The following WDR72 variants were observed in gnomAD, a reference collection of about 807,000 sequenced individuals.
WDR72 encodes WD repeat-containing protein 72.
A neutral mutation model predicts 124.2 loss-of-function variants in WDR72; 120 were observed. That is an observed-to-expected ratio of 0.97 (90% CI 0.83 to 1.12). The LOEUF (loss-of-function observed/expected upper bound fraction) is 1.12. Ranked by LOEUF, WDR72 falls within the 50% of genes most tolerant of loss-of-function variation. The probability of loss-of-function intolerance (pLI) is 0.00; values close to 1 mark genes in which losing one functional copy is unlikely to be tolerated. For synonymous variants in WDR72, 452 were observed against 441.7 expected (o/e 1.02, Z -0.29); for missense variants, 1,387 against 1,278.8 (o/e 1.08, Z -1.29).
chr15:53,683,596 T>C (rs1216092523), intron 13 of WDR72, among the ~76,000 whole-genome samples: 2 of 152,132 alleles, frequency 1.3e-5, no homozygotes, highest in African/African-American at 2.4e-5. Flanking sequence ...CTCTCTTTCT[T>C]ACATTATGTA....
chr15:53,685,708 G>T (rs993081451), intron 13 of WDR72, among the ~76,000 whole-genome samples: 1 of 151,354 alleles, frequency 6.6e-6, no homozygotes, highest in African/African-American at 2.4e-5. Context: ...GAAATACAGA[G>T]AACACCGCAA....
chr15:53,684,980 A>G (rs2016562304), intron 13 of WDR72, among the ~76,000 whole-genome samples: 1 of 152,176 alleles, frequency 6.6e-6, no homozygotes, highest in African/African-American at 2.4e-5. Flanking sequence ...AGGTATTCCA[A>G]CAGACCTGCA....
At chr15:53,591,037 A>G (rs8037868) in intron 18 of WDR72, among the ~76,000 whole-genome samples, 30,538 of 151,814 alleles carry the variant, frequency 0.2, 4,678 homozygotes, top group African/African-American at 0.43. Flanking sequence ...AAGGGCATAA[A>G]TGGCTTCAGT....
chr15:53,677,855 T>C (rs2016230021), intron 13 of WDR72, among the ~76,000 whole-genome samples: 1 of 152,206 alleles, frequency 6.6e-6, no homozygotes, highest in African/African-American at 2.4e-5. Context: ...TGCCATTATC[T>C]ACCACTAATT....
intron 14 of WDR72, among the ~76,000 whole-genome samples, chr15:53,648,550 T>G (rs2015122556): frequency 6.6e-6 from 1 of 152,130 alleles, no homozygotes; most frequent in African/African-American, 2.4e-5. Context: ...CAGAACTGGC[T>G]CACCATTAAG....
intron 12 of WDR72, among the ~76,000 whole-genome samples, chr15:53,701,091 T>C (rs2017159864): frequency 6.6e-6 from 1 of 152,188 alleles, no homozygotes; most frequent in South Asian, 2.1e-4. Context: ...TCATGTTTTT[T>C]TTAAGTCAAC....
chr15:53,655,511 C>G lies in WDR72; in HGVS notation c.1962+10061G>C, dbSNP rs540584871. On this transcript the variant is annotated intron_variant, in intron 14 of 19. Coordinates refer to ENST00000360509, the MANE Select transcript of WDR72 (RefSeq NM_182758.4). ...CCCATACTATTCTTTCCATATTTTG[C>G]CATCTGATTACATGATGAATGTCAT... Among the ~76,000 whole-genome samples, 42 of 152,140 alleles carry G rather than the reference C, an allele frequency of 2.8e-4. No individual in the cohort carries two copies. The South Asian group carries it at 8.7e-3, about 32-fold the overall frequency.
chr15:53,726,418 C>T (rs1567051345), intron 2 of WDR72, among the ~76,000 whole-genome samples: 1 of 151,372 alleles, frequency 6.6e-6, no homozygotes, highest in Non-Finnish European at 1.5e-5. Flanking sequence ...TTGCTTTAAA[C>T]CTAAAACTGC....
chr15:53,745,131 G>A (rs1434033934), intron 1 of WDR72, among the ~76,000 whole-genome samples: 6 of 151,288 alleles, frequency 4.0e-5, no homozygotes, highest in Non-Finnish European at 8.8e-5. Flanking sequence ...TATTCTTTGA[G>A]CCTCAGTTTT....
rs184176653 is a variant in WDR72, at chr15:53,745,074, T to A, written c.-12-11913A>T. On this transcript the variant is annotated intron_variant, in intron 1 of 19. Coordinates refer to ENST00000360509, the MANE Select transcript of WDR72 (RefSeq NM_182758.4). ...GGCAAGAAAATATTAATAGAATGAG[T>A]CAGATAAAGTTTTGCCTTCCTTTCC... 7.6e-3 allele frequency among the ~76,000 whole-genome samples: 1,137 copies of A among 150,328 alleles called. 7 individuals carry two copies. The highest frequency in any genetic ancestry group is 0.013 in the Non-Finnish European group (873 of 67,684).
intron 18 of WDR72, among the ~76,000 whole-genome samples, chr15:53,533,663 A>G (rs1173286840): frequency 6.6e-6 from 1 of 152,018 alleles, no homozygotes; most frequent in Non-Finnish European, 1.5e-5. Flanking sequence ...TATCCTTCCA[A>G]TCTCAGCCTC....
intron 14 of WDR72, among the ~76,000 whole-genome samples, chr15:53,644,659 A>C (rs1447563167): frequency 6.6e-6 from 1 of 152,092 alleles, no homozygotes; most frequent in Non-Finnish European, 1.5e-5. Flanking sequence ...GCAAGGTGTA[A>C]ATGAAAGTGC....
intron 13 of WDR72, among the ~76,000 whole-genome samples, chr15:53,666,250 A>G (rs2015776784): frequency 6.6e-6 from 1 of 152,100 alleles, no homozygotes; most frequent in South Asian, 2.1e-4. Context: ...TGCCTCCCTC[A>G]CCGAAGTGTC....
intron 17 of WDR72, among the ~76,000 whole-genome samples, chr15:53,608,785 T>TAAATAAATAAATAAATAAAAATAAAA (rs61501258): frequency 6.7e-6 from 1 of 149,802 alleles, no homozygotes; most frequent in African/African-American, 2.5e-5. Flanking sequence ...AATAAATAAA[T>TAAATAAATAAATAAATAAAAATAAAA]ATAAAAATAA....
chr15:53,734,282 G>A (rs1044492228), intron 1 of WDR72, among the ~76,000 whole-genome samples: 36 of 152,038 alleles, frequency 2.4e-4, no homozygotes, highest in African/African-American at 8.7e-4. Flanking sequence ...AGGTCAATAT[G>A]TTAGTCTATC....
chr15:53,647,019 T>C (rs1483763694), intron 14 of WDR72, among the ~76,000 whole-genome samples: 1 of 152,116 alleles, frequency 6.6e-6, no homozygotes, highest in Non-Finnish European at 1.5e-5. Flanking sequence ...AAGGACACTA[T>C]TAGTCCTATG....
chr15:53,637,312 C>T (rs921303302), intron 14 of WDR72, among the ~76,000 whole-genome samples: 7 of 152,102 alleles, frequency 4.6e-5, no homozygotes, highest in African/African-American at 1.2e-4. Flanking sequence ...TTTTGCACAA[C>T]GTTTCTCTCC....
At chr15:53,720,051 C>T (rs983571785) in intron 3 of WDR72, among the ~76,000 whole-genome samples, 1 of 151,960 alleles carries the variant, frequency 6.6e-6, no homozygotes, top group Non-Finnish European at 1.5e-5. Flanking sequence ...ATTGGAATGA[C>T]TATTTTATTC....
chr15:53,753,222 G>C (rs904232012), intron 1 of WDR72, among the ~76,000 whole-genome samples: 1 of 152,176 alleles, frequency 6.6e-6, no homozygotes, highest in African/African-American at 2.4e-5. Flanking sequence ...TCAGTCCACT[G>C]TAATTATAAC....
Sources: gnomAD v4.1 joint callset for allele counts (sites outside exome capture counted in the v4.1 genomes callset) on GRCh38, gnomAD v4.1.1 for gene constraint, MANE v1.5 for transcripts, NCBI Gene and HGNC (gene_info 2026-07-23, HGNC 2026-07-21) for gene names.